Variants in SETBP1 observed in about 807,000 individuals in gnomAD.
SETBP1 encodes SET-binding protein.
Under a neutral mutation model 101.0 loss-of-function variants are expected in SETBP1, and 9 were observed. The observed-to-expected ratio is 0.09, with a 90% confidence interval of 0.05 to 0.16. The LOEUF is 0.16. Ranked by LOEUF, SETBP1 falls within the 10% of genes least tolerant of loss-of-function variation. SETBP1 has a pLI of 1.00. For missense variants in SETBP1, 1,858 were observed against 2,033.8 expected (o/e 0.91, Z 1.66); for synonymous variants, 818 against 788.5 (o/e 1.04, Z -0.63).
intron 5 of SETBP1, among the ~76,000 whole-genome samples, chr18:45,046,138 G>A (rs1321916860): frequency 1.3e-5 from 2 of 152,208 alleles, no homozygotes; most frequent in Non-Finnish European, 2.9e-5. Context: ...GTGGACCAAA[G>A]GATCGCATAG....
intron 5 of SETBP1, among the ~76,000 whole-genome samples, chr18:45,057,610 G>C (rs1342946678): frequency 1.3e-5 from 2 of 152,138 alleles, no homozygotes; most frequent in African/African-American, 4.8e-5. Context: ...CTTGATTGAA[G>C]CACAAGATAT....
At chr18:44,983,256 A>G (rs1445184741) in intron 4 of SETBP1, among the ~76,000 whole-genome samples, 1 of 152,218 alleles carries the variant, frequency 6.6e-6, no homozygotes, top group Non-Finnish European at 1.5e-5. Context: ...GGGGAAAAAC[A>G]GGTACACGTA....
intron 2 of SETBP1, among the ~76,000 whole-genome samples, chr18:44,830,285 T>A (rs988145026): frequency 5.9e-5 from 9 of 152,230 alleles, no homozygotes; most frequent in Admixed American, 2.0e-4. Flanking sequence ...ACCAGCATTT[T>A]ACTGAACACA....
Position 44,951,980 on chromosome 18 carries a change from C to T in SETBP1, c.2640C>T (p.Asp880=), listed in dbSNP as rs1168040934. 2 of 1,614,052 alleles carry T rather than the reference C, an allele frequency of 1.2e-6. No homozygotes were observed. The highest frequency in any genetic ancestry group is 1.7e-6 in the Non-Finnish European group (2 of 1,180,014). Residue 880 remains aspartate, a synonymous_variant, in exon 4 of 6, where the codon GAC becomes GAT. Transcript: ENST00000649279. This position sits in a 1 kb window ranked among gnomAD's most constrained non-coding sequence, Gnocchi z 7.8. The part of the protein sequence containing the change: ...GIGTDNNSTS[D]QAEKSSESRR... Reference sequence around the variant, plus strand: ...GGACAGACAACAACAGCACTTCTGACCAAGCGGAGAAGAGCTCAGAATCCC... The same window carrying T: ...GGACAGACAACAACAGCACTTCTGATCAAGCGGAGAAGAGCTCAGAATCCC...
At chr18:44,826,133 G>A (rs776978620) in intron 2 of SETBP1, among the ~76,000 whole-genome samples, 6 of 152,200 alleles carry the variant, frequency 3.9e-5, no homozygotes, top group Non-Finnish European at 5.9e-5. Context: ...GGCCAATAGA[G>A]TTCAAAGGAA....
Position 44,869,677 on chromosome 18 carries a change from A to G in SETBP1, c.540+394A>G, listed in dbSNP as rs183617887. 1.6e-4 allele frequency: 48 copies of G among 309,618 alleles called. No homozygotes were observed. The Admixed American group carries it at 2.0e-3, about 13-fold the overall frequency. The allele number at this position is 309,618 out of a possible 1,614,324, so 19.2% of individuals were successfully genotyped here. On this transcript the variant is annotated intron_variant, in intron 3 of 5. Coordinates refer to ENST00000649279, the MANE Select transcript of SETBP1 (RefSeq NM_015559.3). ...TCGCATGTCTGTAATCTTTGCGGCAAATGCCTCCTAGTCAAGGCCTGATAG... is the reference window on the plus strand; with the variant it reads ...TCGCATGTCTGTAATCTTTGCGGCAGATGCCTCCTAGTCAAGGCCTGATAG...
intron 3 of SETBP1, among the ~76,000 whole-genome samples, chr18:44,922,021 C>T (rs2070592980): frequency 6.6e-6 from 1 of 152,170 alleles, no homozygotes; most frequent in African/African-American, 2.4e-5. Context: ...GGAATTTGAA[C>T]TCTATTCCTG....
chr18:44,998,682 C>T (rs1260412107), intron 4 of SETBP1, among the ~76,000 whole-genome samples: 4 of 152,184 alleles, frequency 2.6e-5, no homozygotes, highest in African/African-American at 9.7e-5. Flanking sequence ...TGCTGTGGAG[C>T]AGTCTGAAGT....
At chr18:44,772,658 G>T (rs980342035) in intron 2 of SETBP1, among the ~76,000 whole-genome samples, 2 of 152,150 alleles carry the variant, frequency 1.3e-5, no homozygotes, top group Non-Finnish European at 2.9e-5. Flanking sequence ...TTTGAGCTTT[G>T]CACTTGGACT....
chr18:44,941,467 A>G (rs1341451656), intron 3 of SETBP1, among the ~76,000 whole-genome samples: 1 of 152,036 alleles, frequency 6.6e-6, no homozygotes, highest in East Asian at 1.9e-4. Flanking sequence ...CAATTTGTCT[A>G]CAGTGTGCTT....
At chr18:44,805,851 AC>A (rs1023142766) in intron 2 of SETBP1, among the ~76,000 whole-genome samples, 3 of 152,120 alleles carry the variant, frequency 2.0e-5, no homozygotes, top group African/African-American at 7.2e-5. Context: ...GTAACACTTC[AC>A]TCAGTTAAGG....
intron 3 of SETBP1, chr18:44,876,697 G>A (rs373605652): frequency 1.0e-4 from 150 of 1,503,952 alleles, no homozygotes; most frequent in South Asian, 3.5e-4. Context: ...CGCAAAACCC[G>A]GTTCTCTCAC....
intron 2 of SETBP1, among the ~76,000 whole-genome samples, chr18:44,801,026 T>C (rs2071596441): frequency 6.6e-6 from 1 of 151,816 alleles, no homozygotes; most frequent in Admixed American, 6.6e-5. Context: ...CAAACTACCA[T>C]AAGGACAAAA....
At chr18:45,014,079 A>G (rs2072894038) in intron 4 of SETBP1, among the ~76,000 whole-genome samples, 1 of 152,198 alleles carries the variant, frequency 6.6e-6, no homozygotes, top group Non-Finnish European at 1.5e-5. Flanking sequence ...TGAATCATTG[A>G]GCATTGGGAC....
intron 4 of SETBP1, among the ~76,000 whole-genome samples, chr18:45,001,301 T>G (rs1315345473): frequency 6.6e-6 from 1 of 152,204 alleles, no homozygotes; most frequent in Non-Finnish European, 1.5e-5. Context: ...CCTACTTTAT[T>G]GAGTATTGTA....
chr18:44,688,689 A>G (rs1312835488), intron 1 of SETBP1, among the ~76,000 whole-genome samples: 2 of 151,958 alleles, frequency 1.3e-5, no homozygotes, highest in Non-Finnish European at 2.9e-5. Context: ...TCCTGACCTC[A>G]TGATCCGCCT....
intron 3 of SETBP1, chr18:44,876,571 G>A: frequency 3.9e-6 from 6 of 1,549,496 alleles, no homozygotes; most frequent in Non-Finnish European, 5.2e-6. Context: ...CTAGATTAAA[G>A]ACTCCAGTAA....
intron 4 of SETBP1, among the ~76,000 whole-genome samples, chr18:45,003,699 AAAAAC>A: frequency 6.6e-6 from 1 of 152,216 alleles, no homozygotes; most frequent in Non-Finnish European, 1.5e-5. Context: ...AAAAAAAAAA[AAAAAC>A]AGCAGTAATC....
At chr18:44,736,221 T>TA (rs34746367) in intron 2 of SETBP1, among the ~76,000 whole-genome samples, 30,774 of 151,832 alleles carry the variant, frequency 0.2, 3,276 homozygotes, top group Non-Finnish European at 0.24. Context: ...CCCTTCTCTA[T>TA]AAAAAAAGTT....
Sources: allele counts gnomAD v4.1 joint callset (sites outside exome capture counted in the v4.1 genomes callset), GRCh38; gene constraint gnomAD v4.1.1; non-coding constraint Gnocchi (gnomAD v3.1); transcripts MANE v1.5; gene names NCBI Gene and HGNC (gene_info 2026-07-23, HGNC 2026-07-21).